PGM3: variants seen among roughly 807,000 people sequenced by gnomAD.
The protein encoded by PGM3 is phosphoglucomutase 3, also known as phosphoacetylglucosamine mutase.
A neutral mutation model predicts 66.2 loss-of-function variants in PGM3; 40 were observed. The ratio of observed to expected loss-of-function variants is 0.60; its 90% confidence interval spans 0.47 to 0.79. PGM3 has a LOEUF of 0.79. Ranked by LOEUF, PGM3 falls within the 30% of genes least tolerant of loss-of-function variation. The pLI, the probability that PGM3 is intolerant of heterozygous loss-of-function variation, is 0.00. For synonymous variants in PGM3, 191 were observed against 224.2 expected (o/e 0.85, Z 1.32); for missense variants, 537 against 643.4 (o/e 0.83, Z 1.79).
chr6:83,161,077 C>T (rs896516370), downstream of PGM3: 2 of 151,956 alleles, frequency 1.3e-5, no homozygotes, highest in East Asian at 1.9e-4. Context: ...TAAACAGAAT[C>T]GTAGGAATGT....
In PGM3 at chr6:83,168,970, A is replaced by G. The variant is rs1281167796; in HGVS notation, c.*264T>C. ...AATTGTTCCCCACATAAAACTGTAC[A>G]GTTAGTGACTGAATTGTATACTTAA... On this transcript the variant is annotated 3_prime_UTR_variant, in exon 13 of 13. Coordinates refer to ENST00000513973, the MANE Select transcript of PGM3 (RefSeq NM_015599.3). 8.2e-6 allele frequency: 10 copies of G among 1,212,414 alleles called. No homozygotes were observed. The East Asian group carries it at 2.3e-4, about 27-fold the overall frequency. 75.1% of individuals were successfully genotyped at this position (1,212,414 alleles called of 1,614,324 possible).
downstream of PGM3, among the ~76,000 whole-genome samples, chr6:83,163,449 T>G (rs1271213945): frequency 2.6e-5 from 4 of 152,128 alleles, no homozygotes; most frequent in Non-Finnish European, 5.9e-5. Flanking sequence ...AAAATATGAG[T>G]CAGATTTCAT....
chr6:83,186,105 G>A (rs1420188041), intron 4 of PGM3, among the ~76,000 whole-genome samples: 3 of 152,114 alleles, frequency 2.0e-5, no homozygotes, highest in African/African-American at 7.2e-5. Context: ...TGCTTGTGCC[G>A]GCAACACTCT....
At chr6:83,159,741 G>T, downstream of PGM3, 1 of 1,597,726 alleles carries the variant, frequency 6.3e-7, no homozygotes, top group Non-Finnish European at 8.6e-7. Flanking sequence ...ATCTTTCCAG[G>T]AATTCCTGTG....
intron 9 of PGM3, 71 bp downstream of exon 9, chr6:83,175,891 C>T: frequency 2.6e-6 from 2 of 780,510 alleles, no homozygotes; most frequent in African/African-American, 1.7e-5. Flanking sequence ...CCTATTATTA[C>T]CTCCCAGATA....
Position 83,171,932 on chromosome 6 carries a change from C to A in PGM3, c.1365+5G>T, listed in dbSNP as rs966198070. 1 of 1,609,616 alleles carries A rather than the reference C, an allele frequency of 6.2e-7. No individual in the cohort carries two copies. Among genetic ancestry groups the A allele is most frequent in the Admixed American group, 1.7e-5 (1 of 59,612 alleles). Reference sequence around the variant, plus strand: ...AAAAAAGTTACTTTAAAGTTTCTCTCACACCTGAACTTTAAGTTGTCTGTT... The same window carrying A: ...AAAAAAGTTACTTTAAAGTTTCTCTAACACCTGAACTTTAAGTTGTCTGTT... On this transcript the variant is annotated splice_donor_5th_base_variant and intron_variant, in intron 11 of 12. Coordinates refer to ENST00000513973, the MANE Select transcript of PGM3 (RefSeq NM_015599.3).
the PGM3 span, chr6:83,151,703 C>T: frequency 1.3e-6 from 2 of 1,547,598 alleles, no homozygotes; most frequent in East Asian, 2.3e-5. Flanking sequence ...TTCTCAGTGC[C>T]CTCAATTTGA....
downstream of PGM3, chr6:83,162,675 G>A: frequency 5.0e-6 from 6 of 1,197,126 alleles, no homozygotes; most frequent in Non-Finnish European, 6.8e-6. Context: ...GGCACATCTG[G>A]CATTTGAATT....
At chr6:83,157,818 C>G (rs1562380291), downstream of PGM3, among the ~76,000 whole-genome samples, 1 of 152,112 alleles carries the variant, frequency 6.6e-6, no homozygotes, top group Non-Finnish European at 1.5e-5. Flanking sequence ...CTTCCCAAGT[C>G]CCACCTACAC....
At chr6:83,187,955 G>A (rs140656461) in intron 3 of PGM3, among the ~76,000 whole-genome samples, 2 of 152,102 alleles carry the variant, frequency 1.3e-5, no homozygotes, top group Admixed American at 6.6e-5. Context: ...TACCATCGTC[G>A]GTATCTGGAA....
At chr6:83,162,583 T>C (rs540639686), downstream of PGM3, among the ~76,000 whole-genome samples, 6 of 152,304 alleles carry the variant, frequency 3.9e-5, no homozygotes. Flanking sequence ...TACAACCTTA[T>C]GAGGTAGTTA....
At chr6:83,184,887 T>C (rs543052929) in intron 4 of PGM3, among the ~76,000 whole-genome samples, 1 of 152,222 alleles carries the variant, frequency 6.6e-6, no homozygotes, top group Non-Finnish European at 1.5e-5. Flanking sequence ...AAGATTTGTA[T>C]GAATTAGTCC....
chr6:83,158,124 G>C (rs577384051), downstream of PGM3, among the ~76,000 whole-genome samples: 72 of 151,898 alleles, frequency 4.7e-4, 2 homozygotes, highest in South Asian at 1.5e-3. Flanking sequence ...TCAGCCTCCC[G>C]AGTAGCTGGG....
rs972791289 is a variant in PGM3 at position 83,188,802 on chromosome 6, A to C, written c.205-4T>G. ...CCAATTTTACACCATTGTCTTCCTT[A>C]AAAGAAAAACAAACAATAAGCAATC... On this transcript the variant is annotated splice_polypyrimidine_tract_variant and splice_region_variant and intron_variant, in intron 2 of 12. Transcript: ENST00000513973. The C allele has an allele frequency of 6.2e-7, 1 of 1,613,402 alleles. No homozygotes were observed. The highest frequency in any genetic ancestry group is 8.5e-7 in the Non-Finnish European group (1 of 1,179,412).
chr6:83,155,814 CAG>C, the PGM3 span: 1 of 992,432 alleles, frequency 1.0e-6, no homozygotes, highest in Non-Finnish European at 1.4e-6. Context: ...CTGTCTGCCC[CAG>C]AGAGGGGCAT....
chr6:83,182,887 G>A lies in PGM3; in HGVS notation c.549C>T (p.Tyr183=). 6.2e-7 allele frequency: 1 copy of A among 1,613,982 alleles called. No individual in the cohort carries two copies. The highest frequency in any genetic ancestry group is 8.5e-7 in the Non-Finnish European group (1 of 1,179,874). ...CAAAAGCCTTAGAGAGTTTCTGGTA[G>A]TAACCTTCTATAGTTGCCTTTCCAT... The part of the protein sequence containing the change: ...GRYGKATIEG[Y]YQKLSKAFVE... Residue 183 remains tyrosine, a synonymous_variant, in exon 5 of 13, where the codon TAC becomes TAT. Coordinates refer to ENST00000513973, the MANE Select transcript of PGM3 (RefSeq NM_015599.3).
chr6:83,183,807 C>T (rs1321597315), intron 4 of PGM3, among the ~76,000 whole-genome samples: 4 of 151,924 alleles, frequency 2.6e-5, no homozygotes, highest in Non-Finnish European at 5.9e-5. Context: ...CTCACTACAA[C>T]CTCCACCTCC....
Position 83,174,547 on chromosome 6 carries a change from C to A in PGM3, c.1129-60G>T, listed in dbSNP as rs16881899. Reference sequence around the variant, plus strand: ...ACTATCCAAAACCTAGTCATAAGTACTATTATTCTAGCTAACCCACTTTTC... The same window carrying A: ...ACTATCCAAAACCTAGTCATAAGTAATATTATTCTAGCTAACCCACTTTTC... On this transcript the variant is annotated intron_variant, in intron 9 of 12. Coordinates refer to ENST00000513973, the MANE Select transcript of PGM3 (RefSeq NM_015599.3). 5.5e-3 allele frequency: 4,614 copies of A among 838,704 alleles called. 142 individuals are homozygous for A. The African/African-American group carries it at 0.067, about 12-fold the overall frequency. 52.0% of individuals were successfully genotyped at this position (838,704 alleles called of 1,614,324 possible). A position where few individuals can be genotyped will look rare whatever the true frequency, so the allele number is the denominator to read the frequency against.
the PGM3 span, among the ~76,000 whole-genome samples, chr6:83,150,059 C>T: frequency 2.0e-5 from 3 of 152,162 alleles, no homozygotes; most frequent in Non-Finnish European, 4.4e-5. Context: ...AGTGTTGATT[C>T]TTCTTTGAGG....
Sources: gnomAD v4.1 joint callset for allele counts (sites outside exome capture counted in the v4.1 genomes callset) on GRCh38, gnomAD v4.1.1 for gene constraint, MANE v1.5 for transcripts, NCBI Gene and HGNC (gene_info 2026-07-23, HGNC 2026-07-21) for gene names.